VSTM2B: variants seen among roughly 807,000 people sequenced by gnomAD.
VSTM2B encodes the protein V-set and transmembrane domain-containing protein 2B.
VSTM2B carries 24 observed loss-of-function variants against 24.0 expected under a neutral mutation model. The observed-to-expected ratio is 1.00, with a 90% CI of 0.72 to 1.40. The LOEUF (loss-of-function observed/expected upper bound fraction) is 1.40. Among genes scored for constraint, VSTM2B ranks in the 40% most tolerant of loss-of-function variants. The pLI, the probability that VSTM2B is intolerant of heterozygous loss-of-function variation, is 0.00. For synonymous variants in VSTM2B, 226 were observed against 194.4 expected (o/e 1.16, Z -1.35); for missense variants, 399 against 416.4 (o/e 0.96, Z 0.36).
chr19:29,532,488 C>T (rs1266152422), intron 4 of VSTM2B, among the ~76,000 whole-genome samples: 1 of 152,142 alleles, frequency 6.6e-6, no homozygotes, highest in Admixed American at 6.5e-5. Context: ...TCCTTCTTCC[C>T]CCTCCCCTTG....
At position 29,548,673 on chromosome 19, in the gene VSTM2B, T is replaced by A. The variant is rs368168988; in HGVS notation, c.770-15173T>A. Among the ~76,000 whole-genome samples, 9 of 152,136 alleles carry A rather than the reference T, an allele frequency of 5.9e-5. No homozygotes were observed. In the East Asian group the frequency reaches 1.7e-3, roughly 29 times the overall value. On this transcript the variant is annotated intron_variant, in intron 4 of 4. Coordinates refer to ENST00000335523, the MANE Select transcript of VSTM2B (RefSeq NM_001146339.2). Reference sequence around the variant, plus strand: ...CAGGTTCTCAGCAGGGCCTGGGAGATCCCGCCAGATGCTCCCAGGGTGGGG... The same window carrying A: ...CAGGTTCTCAGCAGGGCCTGGGAGAACCCGCCAGATGCTCCCAGGGTGGGG...
intron 4 of VSTM2B, among the ~76,000 whole-genome samples, chr19:29,536,855 G>A (rs919708344): frequency 6.6e-6 from 1 of 152,212 alleles, no homozygotes; most frequent in Non-Finnish European, 1.5e-5. Flanking sequence ...CCAAGCATCC[G>A]TGGGGATAAA....
chr19:29,529,765 G>A, intron 3 of VSTM2B, 54 bp from the exon 4 acceptor site: 4 of 1,518,922 alleles, frequency 2.6e-6, no homozygotes, highest in East Asian at 2.5e-5. Flanking sequence ...AGGGTGGCCA[G>A]AAGAGTAGGT....
Position 29,553,041 on chromosome 19 carries a change from C to G in VSTM2B, c.770-10805C>G, listed in dbSNP as rs117679926. Among the ~76,000 whole-genome samples, 1,390 of 152,274 alleles carry G rather than the reference C, an allele frequency of 9.1e-3. 44 individuals are homozygous for G. Among genetic ancestry groups the G allele is most frequent in the East Asian group, 0.089 (463 of 5,180 alleles). On this transcript the variant is annotated intron_variant, in intron 4 of 4. Coordinates refer to ENST00000335523, the MANE Select transcript of VSTM2B (RefSeq NM_001146339.2). ...CAGACTTAGTCTTTTCCCCTGCTGG[C>G]TCTGAGGAATCTGGGCAGTCTGGAC... is the stretch of plus-strand genomic sequence containing the variant.
intron 4 of VSTM2B, among the ~76,000 whole-genome samples, chr19:29,534,484 G>A (rs1431775688): frequency 6.6e-6 from 1 of 152,182 alleles, no homozygotes; most frequent in Non-Finnish European, 1.5e-5. Context: ...GAAGGCCGAG[G>A]CGGGTGGATC....
intron 4 of VSTM2B, among the ~76,000 whole-genome samples, chr19:29,560,793 G>C (rs948998577): frequency 1.3e-5 from 2 of 152,168 alleles, no homozygotes; most frequent in African/African-American, 4.8e-5. Flanking sequence ...GTACTTAGAG[G>C]CAATTTTAAA....
chr19:29,543,484 AG>A (rs1378197443), intron 4 of VSTM2B, among the ~76,000 whole-genome samples: 1 of 152,128 alleles, frequency 6.6e-6, no homozygotes, highest in Non-Finnish European at 1.5e-5. Context: ...GTAATGGGAA[AG>A]GACTGCTGTT....
At chr19:29,554,691 C>T (rs1357728558) in intron 4 of VSTM2B, among the ~76,000 whole-genome samples, 1 of 152,150 alleles carries the variant, frequency 6.6e-6, no homozygotes, top group Non-Finnish European at 1.5e-5. Context: ...TGCGAAGACA[C>T]ACATAAGCTC....
intron 3 of VSTM2B, 47 bp from the exon 4 acceptor site, chr19:29,529,772 A>G: frequency 1.3e-6 from 2 of 1,526,720 alleles, no homozygotes; most frequent in South Asian, 1.2e-5. Context: ...CCAGAAGAGT[A>G]GGTTTGGGAG....
chr19:29,536,608 T>A (rs1969896654), intron 4 of VSTM2B, among the ~76,000 whole-genome samples: 1 of 152,188 alleles, frequency 6.6e-6, no homozygotes, highest in South Asian at 2.1e-4. Context: ...CCGGCTTTCC[T>A]CCTTCCCACA....
rs1482871879 is a variant in VSTM2B at position 29,530,079 on chromosome 19, C to T, written c.558C>T (p.Gly186=). 5 of 1,497,850 alleles carry T rather than the reference C, an allele frequency of 3.3e-6. No homozygotes were observed. The highest frequency in any genetic ancestry group is 2.2e-5 in the Admixed American group (1 of 45,920). The allele number at this position is 1,497,850 out of a possible 1,614,324, so 92.8% of individuals were successfully genotyped here. A position where few individuals can be genotyped will look rare whatever the true frequency, so the allele number is the denominator to read the frequency against. Residue 186 remains glycine (G), a synonymous_variant, in exon 4 of 5, where the codon GGC becomes GGT. Transcript: ENST00000335523. ...GCGCCGCCAACGCCAACAACGCGGG[C>T]GCCGCGAGCCGTACCACCTCCGAGC... is the stretch of plus-strand genomic sequence containing the variant. The part of the protein sequence containing the change: ...PASAANANNA[G]AASRTTSEPG...
chr19:29,530,569 G>GT (rs1191272648), intron 4 of VSTM2B, among the ~76,000 whole-genome samples: 3 of 152,196 alleles, frequency 2.0e-5, no homozygotes, highest in African/African-American at 7.2e-5. Flanking sequence ...AGGCTGTAGT[G>GT]TGGGGAGGCG....
At chr19:29,556,567 T>G (rs986711801) in intron 4 of VSTM2B, among the ~76,000 whole-genome samples, 2 of 151,130 alleles carry the variant, frequency 1.3e-5, no homozygotes, top group Admixed American at 6.6e-5. Flanking sequence ...TAAAGGATAT[T>G]CAAATAGGAA....
intron 4 of VSTM2B, 43 bp from the exon 5 acceptor site, chr19:29,563,803 G>A (rs1599916170): frequency 1.3e-6 from 2 of 1,528,540 alleles, no homozygotes; most frequent in East Asian, 4.9e-5. Flanking sequence ...CTAGGTTCTT[G>A]AGACTCAGGT....
chr19:29,558,172 G>A (rs965676881), intron 4 of VSTM2B, among the ~76,000 whole-genome samples: 16 of 152,024 alleles, frequency 1.1e-4, no homozygotes, highest in Admixed American at 5.9e-4. Context: ...ACCATCTCAC[G>A]CCAGTCAGAA....
At chr19:29,545,116 G>A (rs144060942) in intron 4 of VSTM2B, among the ~76,000 whole-genome samples, 468 of 152,224 alleles carry the variant, frequency 3.1e-3, no homozygotes, top group African/African-American at 0.011. Context: ...CCCAATGTCT[G>A]AAGGAGACCC....
At chr19:29,549,587 C>G (rs12972142) in intron 4 of VSTM2B, among the ~76,000 whole-genome samples, 1 of 134,798 alleles carries the variant, frequency 7.4e-6, no homozygotes, top group Non-Finnish European at 1.6e-5. Flanking sequence ...AATGCTGCCC[C>G]AGGAGACCCC....
chr19:29,561,220 G>A (rs1970516209), intron 4 of VSTM2B, among the ~76,000 whole-genome samples: 1 of 152,136 alleles, frequency 6.6e-6, no homozygotes, highest in African/African-American at 2.4e-5. Context: ...GCTGAGGCAG[G>A]AGAATCACTT....
intron 4 of VSTM2B, among the ~76,000 whole-genome samples, chr19:29,534,716 C>CAA (rs11425011): frequency 3.5e-4 from 49 of 140,316 alleles, no homozygotes; most frequent in Non-Finnish European, 5.6e-4. Context: ...AACTCTGTCT[C>CAA]AAAAAAAAAA....
Sources: gnomAD v4.1 joint callset for allele counts (sites outside exome capture counted in the v4.1 genomes callset) on GRCh38, gnomAD v4.1.1 for gene constraint, MANE v1.5 for transcripts, NCBI Gene and HGNC (gene_info 2026-07-23, HGNC 2026-07-21) for gene names.